The following CACNA2D2 variants were observed in gnomAD, a reference collection of about 807,000 sequenced individuals.
CACNA2D2 encodes the protein voltage-dependent calcium channel subunit alpha-2/delta-2.
Under a neutral mutation model 166.4 loss-of-function variants are expected in CACNA2D2, and 48 were observed. The ratio of observed to expected loss-of-function variants is 0.29; its 90% CI spans 0.23 to 0.37. The LOEUF is 0.37. Ranked by LOEUF, CACNA2D2 falls within the 10% of genes least tolerant of loss-of-function variation. The pLI, the probability that CACNA2D2 is intolerant of heterozygous loss-of-function variation, is 1.00. For missense variants in CACNA2D2, 1,122 were observed against 1,433.0 expected, an observed-to-expected ratio of 0.78 and a Z score of 3.50; for synonymous variants, 561 against 573.7, an observed-to-expected ratio of 0.98 and a Z score of 0.32.
intron 1 of CACNA2D2, among the ~76,000 whole-genome samples, chr3:50,486,075 C>A (rs929518479): frequency 1.1e-4 from 17 of 152,148 alleles, no homozygotes; most frequent in South Asian, 2.1e-4. Flanking sequence ...CTGCCCGGGC[C>A]CATTTCACAA....
At chr3:50,407,104 TA>T (rs1706750184) in intron 3 of CACNA2D2, among the ~76,000 whole-genome samples, 1 of 151,748 alleles carries the variant, frequency 6.6e-6, no homozygotes, top group African/African-American at 2.4e-5. Context: ...TGGGCACTCT[TA>T]CTAAACACAC....
Position 50,365,090 on chromosome 3 carries a change from G to A in CACNA2D2, c.3193C>T (p.Gln1065Ter). 6.2e-7 allele frequency: 1 copy of A among 1,611,560 alleles called. No individual in the cohort carries two copies. Among genetic ancestry groups the A allele is most frequent in the Non-Finnish European group, 8.5e-7 (1 of 1,179,548 alleles). ...CSQCEAGRLL[Q>*]KETHSDGPEQ... ...GGCAGGATACAGTGCGTCTCCTTCT[G>A]CAGCAGCCGGCCAGCCTCGCACTGG... The change falls in exon 36 of 38, where the codon CAG becomes TAG. Residue 1065 changes from glutamine to a stop codon, truncating the protein, a stop_gained. Coordinates refer to ENST00000424201, the MANE Select transcript of CACNA2D2 (RefSeq NM_006030.4). LOFTEE classifies it high-confidence loss of function. The surrounding 1 kb of genome is among the most constrained non-coding windows in gnomAD (Gnocchi z 4.5).
At chr3:50,398,431 G>C (rs966787682) in intron 3 of CACNA2D2, among the ~76,000 whole-genome samples, 2 of 152,168 alleles carry the variant, frequency 1.3e-5, no homozygotes, top group Non-Finnish European at 2.9e-5. Flanking sequence ...GGTTTGGTGG[G>C]TAAGTGTCTT....
At chr3:50,487,206 G>A (rs746121223) in intron 1 of CACNA2D2, among the ~76,000 whole-genome samples, 21 of 152,306 alleles carry the variant, frequency 1.4e-4, no homozygotes, top group Admixed American at 5.9e-4. Flanking sequence ...GGACTCCAAT[G>A]GCCAAATAGG....
At chr3:50,481,895 C>T (rs1352999844) in intron 1 of CACNA2D2, among the ~76,000 whole-genome samples, 1 of 152,136 alleles carries the variant, frequency 6.6e-6, no homozygotes, top group East Asian at 1.9e-4. Context: ...ACCCGGGAGG[C>T]TGAGGTTGGA....
In CACNA2D2 at chr3:50,446,832, G is replaced by T. The variant is rs531751279; in HGVS notation, c.289-12403C>A. ...GAGGGAGAGCCAAGGACAGTTCTGAGCTGGCCCAGAGGGTAGGTAGACTTC... is the reference window on the plus strand; with the variant it reads ...GAGGGAGAGCCAAGGACAGTTCTGATCTGGCCCAGAGGGTAGGTAGACTTC... On this transcript the variant is annotated intron_variant, in intron 2 of 37. Transcript: ENST00000424201. Among the ~76,000 whole-genome samples, 10 of 152,298 alleles carry T rather than the reference G, an allele frequency of 6.6e-5. No individual in the cohort carries two copies. The East Asian group carries it at 1.4e-3, about 21-fold the overall frequency.
intron 5 of CACNA2D2, among the ~76,000 whole-genome samples, chr3:50,386,399 A>G (rs1700413911): frequency 6.6e-6 from 1 of 152,228 alleles, no homozygotes. Context: ...TATTTAATGC[A>G]CTGATTGCTA....
chr3:50,473,210 A>T (rs1046558084), intron 2 of CACNA2D2, among the ~76,000 whole-genome samples: 17 of 152,224 alleles, frequency 1.1e-4, no homozygotes, highest in Non-Finnish European at 1.2e-4. Flanking sequence ...CACAGTTTCA[A>T]CCTGCAAATG....
At chr3:50,472,756 C>T (rs1445678226) in intron 2 of CACNA2D2, among the ~76,000 whole-genome samples, 1 of 152,168 alleles carries the variant, frequency 6.6e-6, no homozygotes, top group Non-Finnish European at 1.5e-5. Context: ...CCCAGCTCCA[C>T]ATCCTCCCCA....
intron 1 of CACNA2D2, among the ~76,000 whole-genome samples, chr3:50,494,832 A>C (rs1698659988): frequency 6.6e-6 from 1 of 151,904 alleles, no homozygotes; most frequent in African/African-American, 2.4e-5. Context: ...ACACTACTAC[A>C]CCTGGCTAAT....
Position 50,384,189 on chromosome 3 carries a change from C to T in CACNA2D2, c.652+7G>A. ...GATGGGCTGTCCCGATTGCTCTGCACACTCACAGCCTTTGTAGATGTCCGT... is the reference window on the plus strand; with the variant it reads ...GATGGGCTGTCCCGATTGCTCTGCATACTCACAGCCTTTGTAGATGTCCGT... On this transcript the variant is annotated splice_region_variant and intron_variant, in intron 6 of 37. Coordinates refer to ENST00000424201, the MANE Select transcript of CACNA2D2 (RefSeq NM_006030.4). 3 of 1,613,588 alleles carry T rather than the reference C, an allele frequency of 1.9e-6. No homozygotes were observed. Among genetic ancestry groups the T allele is most frequent in the South Asian group, 1.1e-5 (1 of 91,010 alleles).
chr3:50,462,319 T>C (rs1391905162), intron 2 of CACNA2D2, among the ~76,000 whole-genome samples: 2 of 150,612 alleles, frequency 1.3e-5, no homozygotes, highest in African/African-American at 4.9e-5. Context: ...ACCAGGGAGG[T>C]GGAGGTTGCA....
At chr3:50,449,360 G>A (rs1446802258) in intron 2 of CACNA2D2, among the ~76,000 whole-genome samples, 1 of 152,216 alleles carries the variant, frequency 6.6e-6, no homozygotes, top group Non-Finnish European at 1.5e-5. Flanking sequence ...CTAATGGGCT[G>A]ACAAATTAGC....
intron 1 of CACNA2D2, among the ~76,000 whole-genome samples, chr3:50,478,092 T>G (rs1472817837): frequency 1.3e-5 from 2 of 151,210 alleles, no homozygotes; most frequent in African/African-American, 2.4e-5. Flanking sequence ...GGTATTAGCT[T>G]CGGCTTGTTG....
chr3:50,375,753 G>A lies in CACNA2D2; in HGVS notation c.1846-48C>T. The A allele has an allele frequency of 1.9e-6, 3 of 1,612,612 alleles. No individual in the cohort carries two copies. Among genetic ancestry groups the A allele is most frequent in the Non-Finnish European group, 1.7e-6 (2 of 1,179,622 alleles). On this transcript the variant is annotated intron_variant, in intron 20 of 37. Coordinates refer to ENST00000424201, the MANE Select transcript of CACNA2D2 (RefSeq NM_006030.4). This position sits in a 1 kb window ranked among gnomAD's most constrained non-coding sequence, Gnocchi z 4.0. The stretch of plus-strand genomic sequence containing the variant: ...GTACTTGGGCTAGCAGGCAGGGGGC[G>A]CTGGGGTAGAAGGGTGCCCACCCTG...
chr3:50,441,760 C>G (rs1164747041), intron 2 of CACNA2D2, among the ~76,000 whole-genome samples: 1 of 152,270 alleles, frequency 6.6e-6, no homozygotes, highest in Non-Finnish European at 1.5e-5. Flanking sequence ...AGTGTTAAGG[C>G]CTGTATCTCA....
chr3:50,365,527 A>C lies in CACNA2D2; in HGVS notation c.2972-45T>G, dbSNP rs750296867. 1 of 1,605,568 alleles carries C rather than the reference A, an allele frequency of 6.2e-7. No individual in the cohort carries two copies. The highest frequency in any genetic ancestry group is 2.2e-5 in the East Asian group (1 of 44,588). ...CTCAGCTCCGCCCACAGACCCTGGCAAGGTCTCCGGCCTCCCTCAGTCGTA... is the reference window on the plus strand; with the variant it reads ...CTCAGCTCCGCCCACAGACCCTGGCCAGGTCTCCGGCCTCCCTCAGTCGTA... On this transcript the variant is annotated intron_variant, in intron 34 of 37. Coordinates refer to ENST00000424201, the MANE Select transcript of CACNA2D2 (RefSeq NM_006030.4). The surrounding 1 kb of genome is among the most constrained non-coding windows in gnomAD (Gnocchi z 4.5).
At chr3:50,490,729 G>A (rs1698487147) in intron 1 of CACNA2D2, among the ~76,000 whole-genome samples, 1 of 152,188 alleles carries the variant, frequency 6.6e-6, no homozygotes, top group African/African-American at 2.4e-5. Context: ...TTGAGTACTT[G>A]GTGTATGCTA....
intron 1 of CACNA2D2, among the ~76,000 whole-genome samples, chr3:50,479,159 CA>C (rs1385401253): frequency 7.2e-5 from 11 of 152,222 alleles, no homozygotes; most frequent in African/African-American, 2.2e-4. Flanking sequence ...TATACACGCT[CA>C]CTCTCCCTCC....
Sources: allele counts gnomAD v4.1 joint callset (sites outside exome capture counted in the v4.1 genomes callset), GRCh38; gene constraint gnomAD v4.1.1; non-coding constraint Gnocchi (gnomAD v3.1); transcripts MANE v1.5; gene names NCBI Gene and HGNC (gene_info 2026-07-23, HGNC 2026-07-21).